The following CAB39 variants were observed in gnomAD, a reference collection of about 807,000 sequenced individuals.
CAB39 encodes the protein calcium binding protein 39, also known as calcium-binding protein 39.
CAB39 carries 8 observed loss-of-function variants against 40.0 expected under a neutral mutation model. The ratio of observed to expected loss-of-function variants is 0.20; its 90% CI spans 0.12 to 0.36. The LOEUF (loss-of-function observed/expected upper bound fraction) is 0.36. Ranked by LOEUF, CAB39 falls within the 10% of genes least tolerant of loss-of-function variation. The pLI is 1.00. For synonymous variants in CAB39, 156 were observed against 141.6 expected, an observed-to-expected ratio of 1.10 and a Z score of -0.72; for missense variants, 270 against 401.1, an observed-to-expected ratio of 0.67 and a Z score of 2.79.
chr2:230,804,924 A>C (rs1372332067), intron 5 of CAB39, among the ~76,000 whole-genome samples: 1 of 152,206 alleles, frequency 6.6e-6, no homozygotes, highest in South Asian at 2.1e-4. Flanking sequence ...TACAAATCAT[A>C]CTACTATGAA....
At chr2:230,773,310 ATATATG>A (rs1251064258) in intron 2 of CAB39, among the ~76,000 whole-genome samples, 170 of 84,494 alleles carry the variant, frequency 2.0e-3, no homozygotes, top group African/African-American at 8.6e-3. Context: ...ATATATATAT[ATATATG>A]TGTGTGTGTG....
chr2:230,765,074 C>T (rs1695361613), intron 2 of CAB39, among the ~76,000 whole-genome samples: 2 of 152,144 alleles, frequency 1.3e-5, no homozygotes, highest in African/African-American at 4.8e-5. Context: ...GCAGCCTCTG[C>T]CTCCTGGGTT....
intron 1 of CAB39, among the ~76,000 whole-genome samples, chr2:230,726,858 C>T (rs1694581967): frequency 1.4e-5 from 2 of 144,692 alleles, no homozygotes; most frequent in African/African-American, 2.6e-5. Context: ...CTTTTTTAAT[C>T]TTATGGAAGC....
At chr2:230,716,207 A>C (rs2124844467) in intron 1 of CAB39, among the ~76,000 whole-genome samples, 1 of 152,344 alleles carries the variant, frequency 6.6e-6, no homozygotes, top group South Asian at 2.1e-4. Flanking sequence ...CTGCTAAGAA[A>C]GTCCAGTATA....
At position 230,814,130 on chromosome 2, in the gene CAB39, T is replaced by C; in HGVS notation, c.693+16T>C. 3 of 1,282,072 alleles carry C rather than the reference T, an allele frequency of 2.3e-6. No individual in the cohort carries two copies. Among genetic ancestry groups the C allele is most frequent in the African/African-American group, 1.5e-5 (1 of 67,338 alleles). The allele number at this position is 1,282,072 out of a possible 1,614,324, so 79.4% of individuals were successfully genotyped here. A position where few individuals can be genotyped will look rare whatever the true frequency, so the allele number is the denominator to read the frequency against. On this transcript the variant is annotated intron_variant, in intron 7 of 8. Transcript: ENST00000258418. ...GTCACTGAAGGTATGACAGACCATT[T>C]TGTATAGCTTATTTCTCTGTACCTT...
At chr2:230,753,495 C>G (rs1481145444) in intron 1 of CAB39, among the ~76,000 whole-genome samples, 3 of 152,120 alleles carry the variant, frequency 2.0e-5, no homozygotes, top group Non-Finnish European at 4.4e-5. Context: ...TGGCTCACAC[C>G]TGTAATCCCA....
intron 1 of CAB39, among the ~76,000 whole-genome samples, chr2:230,756,722 T>G (rs932837709): frequency 5.9e-5 from 9 of 152,136 alleles, no homozygotes; most frequent in African/African-American, 1.9e-4. Flanking sequence ...AGACGGAGTT[T>G]CGCTCTGTCG....
chr2:230,794,941 C>T (rs1034921683), intron 4 of CAB39, among the ~76,000 whole-genome samples: 11 of 152,164 alleles, frequency 7.2e-5, no homozygotes, highest in African/African-American at 2.7e-4. Context: ...TACAGATTTC[C>T]TCAATTTTCA....
In CAB39 at chr2:230,715,745, C is replaced by G. The variant is rs550403328; in HGVS notation, c.-44+2515C>G. ...TGAGACAGGTTCTCACTCGGTCGCT[C>G]AGGCCGGAGTGCAGTGGTGCGAACA... On this transcript the variant is annotated intron_variant, in intron 1 of 8. Transcript: ENST00000258418. 2.6e-5 allele frequency among the ~76,000 whole-genome samples: 4 copies of G among 152,330 alleles called. No individual in the cohort carries two copies. The South Asian group carries it at 6.2e-4, about 24-fold the overall frequency.
chr2:230,801,730 G>C (rs56282768), intron 5 of CAB39, among the ~76,000 whole-genome samples: 5,298 of 152,058 alleles, frequency 0.035, 331 homozygotes, highest in African/African-American at 0.12. Context: ...AAAATTAGTT[G>C]TGGTGACATG....
At chr2:230,788,727 C>T (rs775840485) in intron 2 of CAB39, among the ~76,000 whole-genome samples, 1 of 152,170 alleles carries the variant, frequency 6.6e-6, no homozygotes, top group African/African-American at 2.4e-5. Flanking sequence ...TAACAATGTT[C>T]CTCCACTATC....
At chr2:230,766,515 C>T (rs1695388290) in intron 2 of CAB39, among the ~76,000 whole-genome samples, 1 of 152,152 alleles carries the variant, frequency 6.6e-6, no homozygotes, top group African/African-American at 2.4e-5. Context: ...ACACCTCCCA[C>T]CAGGCCCTAC....
intron 1 of CAB39, among the ~76,000 whole-genome samples, chr2:230,739,905 G>T (rs994045689): frequency 1.1e-4 from 16 of 152,182 alleles, no homozygotes; most frequent in Non-Finnish European, 2.2e-4. Flanking sequence ...TATTCAGATT[G>T]ATTTTAAATC....
In CAB39 at chr2:230,820,233, G is replaced by A. The variant is rs1461665148; in HGVS notation, c.*1529G>A. On this transcript the variant is annotated 3_prime_UTR_variant, in exon 9 of 9. Coordinates refer to ENST00000258418, the MANE Select transcript of CAB39 (RefSeq NM_016289.4). ...ATTCAGCATGGCTGCAGCTGATTAAGAAATTGATATGATTATTCTTTGCTA... is the reference window on the plus strand; with the variant it reads ...ATTCAGCATGGCTGCAGCTGATTAAAAAATTGATATGATTATTCTTTGCTA... The A allele has an allele frequency of 2.6e-5, 4 of 152,360 alleles. No individual in the cohort carries two copies. Among genetic ancestry groups the A allele is most frequent in the South Asian group, 2.1e-4 (1 of 4,838 alleles). The allele number at this position is 152,360 out of a possible 1,614,324, so 9.4% of individuals were successfully genotyped here. A position where few individuals can be genotyped will look rare whatever the true frequency, so the allele number is the denominator to read the frequency against.
At chr2:230,718,528 A>G (rs777106262) in intron 1 of CAB39, among the ~76,000 whole-genome samples, 2 of 152,204 alleles carry the variant, frequency 1.3e-5, no homozygotes, top group East Asian at 3.8e-4. Context: ...TTGAACCCTC[A>G]TTCCTCTGCT....
rs935724807 is a variant in CAB39, at chr2:230,774,205, G to T, written c.114+14090G>T. Among the ~76,000 whole-genome samples, 40 of 152,210 alleles carry T rather than the reference G, an allele frequency of 2.6e-4. 1 individual carries two copies. The highest frequency in any genetic ancestry group is 7.2e-4 in the Admixed American group (11 of 15,280). The stretch of plus-strand genomic sequence containing the variant: ...TGCCTTTTTCCACTTTATTCATTAT[G>T]TCCCTGGGCTTTTTCCATCCATTTC... On this transcript the variant is annotated intron_variant, in intron 2 of 8. Coordinates refer to ENST00000258418, the MANE Select transcript of CAB39 (RefSeq NM_016289.4).
At chr2:230,811,592 T>C (rs964769021) in intron 6 of CAB39, among the ~76,000 whole-genome samples, 1 of 152,208 alleles carries the variant, frequency 6.6e-6, no homozygotes, top group Non-Finnish European at 1.5e-5. Flanking sequence ...TACCATGGGC[T>C]GGTAGGACTT....
intron 5 of CAB39, among the ~76,000 whole-genome samples, chr2:230,799,487 C>T (rs993543262): frequency 1.3e-5 from 2 of 152,192 alleles, no homozygotes; most frequent in Non-Finnish European, 2.9e-5. Flanking sequence ...CCTTTCCTCC[C>T]TTGGTGTATA....
At chr2:230,777,233 G>A (rs1271762943) in intron 2 of CAB39, among the ~76,000 whole-genome samples, 1 of 151,932 alleles carries the variant, frequency 6.6e-6, no homozygotes, top group African/African-American at 2.4e-5. Context: ...TCAGTACCAC[G>A]TGAAATGACT....
Sources: gnomAD v4.1 joint callset for allele counts (sites outside exome capture counted in the v4.1 genomes callset) on GRCh38, gnomAD v4.1.1 for gene constraint, MANE v1.5 for transcripts, NCBI Gene and HGNC (gene_info 2026-07-23, HGNC 2026-07-21) for gene names.